Variants in GPR161 observed in about 807,000 individuals in gnomAD.
GPR161 encodes G-protein coupled receptor RE2.
In GPR161, 25 loss-of-function variants were observed where a neutral mutation model predicts 39.2. The observed-to-expected ratio is 0.64, with a 90% confidence interval of 0.47 to 0.89. GPR161 has a LOEUF of 0.89. Among genes scored for constraint, GPR161 ranks in the 40% least tolerant of loss-of-function variants. The pLI is 0.00. For synonymous variants in GPR161, 286 were observed against 276.6 expected (o/e 1.03, Z -0.34); for missense variants, 547 against 677.8 (o/e 0.81, Z 2.14).
intron 1 of GPR161, among the ~76,000 whole-genome samples, chr1:168,121,958 T>C (rs1280602571): frequency 6.6e-6 from 1 of 152,182 alleles, no homozygotes; most frequent in African/African-American, 2.4e-5. Flanking sequence ...GTTCCAAGTC[T>C]GTTTGGCGCT....
At position 168,108,465 on chromosome 1, in the gene GPR161, T is replaced by G. The variant is rs78009801; in HGVS notation, c.-44-3571A>C. ...AAATAACAGGTGGACAAGGTTATTT[T>G]ATCCACTGAGGCCCTAGTTGTAAAA... On this transcript the variant is annotated intron_variant, in intron 1 of 5. Transcript: ENST00000682931. Among the ~76,000 whole-genome samples, 560 of 103,286 alleles carry G rather than the reference T, an allele frequency of 5.4e-3. 6 individuals carry two copies. The highest frequency in any genetic ancestry group is 7.2e-3 in the Non-Finnish European group (410 of 56,608). The allele number at this position is 103,286 out of a possible 152,430, so 67.8% of individuals were successfully genotyped here. A position where few individuals can be genotyped will look rare whatever the true frequency, so the allele number is the denominator to read the frequency against.
intron 4 of GPR161, 57 bp downstream of exon 4, chr1:168,090,507 G>T (rs1553259208): frequency 7.9e-6 from 8 of 1,011,852 alleles, no homozygotes; most frequent in South Asian, 4.1e-5. Flanking sequence ...CGACACGGGG[G>T]AAACGCAACA....
intron 1 of GPR161, among the ~76,000 whole-genome samples, chr1:168,120,541 G>C (rs1572362568): frequency 6.6e-6 from 1 of 152,170 alleles, no homozygotes; most frequent in South Asian, 2.1e-4. Flanking sequence ...AGGGATAATT[G>C]GTTTTGAAAT....
rs147361424 is a variant in GPR161, at chr1:168,128,466, C to T, written c.-45+8273G>A. On this transcript the variant is annotated intron_variant, in intron 1 of 5. Coordinates refer to ENST00000682931, the MANE Select transcript of GPR161 (RefSeq NM_001375883.1). Reference sequence around the variant, plus strand: ...CAACAGAGAATTATCCGGTCAAAAACGTCAGTAGTGCCGAGGTTGAGAAAA... The same window carrying T: ...CAACAGAGAATTATCCGGTCAAAAATGTCAGTAGTGCCGAGGTTGAGAAAA... 1.4e-3 allele frequency among the ~76,000 whole-genome samples: 214 copies of T among 152,318 alleles called. 1 individual carries two copies. Among genetic ancestry groups the T allele is most frequent in the Non-Finnish European group, 2.4e-3 (166 of 68,022 alleles).
At chr1:168,104,998 G>A (rs2102174081) in intron 1 of GPR161, 104 bp from the exon 2 acceptor site, 1 of 811,542 alleles carries the variant, frequency 1.2e-6, no homozygotes, top group African/African-American at 1.7e-5. Flanking sequence ...CTACGCCTCA[G>A]ATCACCCAGC....
Position 168,104,883 on chromosome 1 carries a change from C to A in GPR161, c.-33G>T. On this transcript the variant is annotated 5_prime_UTR_variant, in exon 2 of 6. An upstream start codon of the reference 5' UTR is lost. Transcript: ENST00000682931. ...GCACCTCGGCGTGGGGTGGGCAGAG[C>A]ATGCTGGACGACTGGAAAGATAAGG... The A allele has an allele frequency of 5.0e-6, 8 of 1,605,582 alleles. No individual in the cohort carries two copies. The highest frequency in any genetic ancestry group is 6.8e-6 in the Non-Finnish European group (8 of 1,173,784).
chr1:168,102,509 A>G (rs1696200357), intron 2 of GPR161, among the ~76,000 whole-genome samples: 1 of 152,042 alleles, frequency 6.6e-6, no homozygotes. Context: ...TAGACATCCA[A>G]CCAATATTTC....
chr1:168,086,818 C>T (rs1024806036), intron 5 of GPR161, among the ~76,000 whole-genome samples: 2 of 152,224 alleles, frequency 1.3e-5, no homozygotes, highest in Non-Finnish European at 2.9e-5. Context: ...CTGTAACAAC[C>T]TCTCCATTCA....
intron 3 of GPR161, among the ~76,000 whole-genome samples, chr1:168,091,124 G>A (rs925710458): frequency 6.6e-6 from 1 of 152,234 alleles, no homozygotes; most frequent in South Asian, 2.1e-4. Context: ...AGATGGTTGA[G>A]AGTGATGAGC....
At chr1:168,108,745 GA>G (rs1034663784) in intron 1 of GPR161, among the ~76,000 whole-genome samples, 2 of 151,728 alleles carry the variant, frequency 1.3e-5, no homozygotes, top group Admixed American at 6.6e-5. Context: ...ACTGTAGACA[GA>G]AAAAAGCCTA....
At chr1:168,121,273 C>T (rs1364383746) in intron 1 of GPR161, among the ~76,000 whole-genome samples, 1 of 152,194 alleles carries the variant, frequency 6.6e-6, no homozygotes, top group Non-Finnish European at 1.5e-5. Flanking sequence ...CCCACCCCAG[C>T]AAGTGGAACA....
Position 168,096,381 on chromosome 1 carries a change from G to A in GPR161, c.1099+127C>T, listed in dbSNP as rs997179101. The A allele has an allele frequency of 1.1e-5, 11 of 960,174 alleles. No individual in the cohort carries two copies. In the African/African-American group the frequency reaches 1.6e-4, roughly 14 times the overall value. The allele number at this position is 960,174 out of a possible 1,614,324, so 59.5% of individuals were successfully genotyped here. On this transcript the variant is annotated intron_variant, in intron 3 of 5. Transcript: ENST00000682931. ...AGCCTCTGGAATGTTTCTTCCGAAA[G>A]GAAATCTGTGCTTTGAGCCTTACCG... is the stretch of plus-strand genomic sequence containing the variant.
intron 2 of GPR161, among the ~76,000 whole-genome samples, chr1:168,097,990 C>T (rs761984956): frequency 9.2e-5 from 14 of 152,180 alleles, no homozygotes; most frequent in Admixed American, 3.3e-4. Context: ...GCCAAGGGGG[C>T]GGGTCCGAAT....
intron 1 of GPR161, among the ~76,000 whole-genome samples, chr1:168,111,838 A>G (rs747246343): frequency 1.3e-5 from 2 of 152,184 alleles, no homozygotes; most frequent in African/African-American, 4.8e-5. Context: ...AGTTCTGAAA[A>G]TAATTTTTTA....
rs530927178 is a variant in GPR161 at position 168,091,312 on chromosome 1, C to A, written c.1100-644G>T. 2.6e-5 allele frequency among the ~76,000 whole-genome samples: 4 copies of A among 152,282 alleles called. No homozygotes were observed. In the South Asian group the frequency reaches 8.3e-4, roughly 32 times the overall value. ...TTGGTAGGAGAGGAGAGAGAGTGAG[C>A]CCCGGGCACAGCCGCGGCAGAAGCG... On this transcript the variant is annotated intron_variant, in intron 3 of 5. Coordinates refer to ENST00000682931, the MANE Select transcript of GPR161 (RefSeq NM_001375883.1).
intron 2 of GPR161, among the ~76,000 whole-genome samples, chr1:168,101,001 C>A (rs1348363717): frequency 6.6e-6 from 1 of 152,158 alleles, no homozygotes; most frequent in Non-Finnish European, 1.5e-5. Context: ...AGGACATTGA[C>A]AAACTGTGAA....
rs564160350 is a variant in GPR161, at chr1:168,126,698, C to T, written c.-45+10041G>A. On this transcript the variant is annotated intron_variant, in intron 1 of 5. Coordinates refer to ENST00000682931, the MANE Select transcript of GPR161 (RefSeq NM_001375883.1). ...CAAACTCCTGGGCTCAAGCAATCCG[C>T]CCACCATGGCTGCTCAAACTGATGG... Among the ~76,000 whole-genome samples the T allele has an allele frequency of 1.2e-4, 18 of 152,272 alleles. No individual in the cohort carries two copies. In the South Asian group the frequency reaches 1.5e-3, roughly 12 times the overall value.
chr1:168,122,081 A>C (rs1436533723), intron 1 of GPR161, among the ~76,000 whole-genome samples: 1 of 152,038 alleles, frequency 6.6e-6, no homozygotes, highest in Non-Finnish European at 1.5e-5. Flanking sequence ...CTCCGACCAA[A>C]ATCTCCACCT....
chr1:168,111,523 G>A (rs1028011827), intron 1 of GPR161, among the ~76,000 whole-genome samples: 1 of 152,202 alleles, frequency 6.6e-6, no homozygotes, highest in African/African-American at 2.4e-5. Context: ...AGACAGAAAG[G>A]GAGCCTGGAG....
Sources: allele counts gnomAD v4.1 joint callset (sites outside exome capture counted in the v4.1 genomes callset), GRCh38; gene constraint gnomAD v4.1.1; transcripts MANE v1.5; gene names NCBI Gene and HGNC (gene_info 2026-07-23, HGNC 2026-07-21).